Variants in GFRA2 observed in about 807,000 individuals in gnomAD.
GFRA2 encodes the protein GDNF family receptor alpha-2.
Under a neutral mutation model 48.3 loss-of-function variants are expected in GFRA2, and 17 were observed. The observed-to-expected ratio is 0.35, with a 90% CI of 0.24 to 0.53. GFRA2 has a LOEUF of 0.53. GFRA2 is among the 20% of genes least tolerant of loss of function. The probability of loss-of-function intolerance (pLI) is 0.93; values close to 1 mark genes in which losing one functional copy is unlikely to be tolerated. For missense variants in GFRA2, 660 were observed against 637.3 expected (o/e 1.04, Z -0.38); for synonymous variants, 305 against 257.2 (o/e 1.19, Z -1.78).
At chr8:21,797,405 C>T (rs1029841424) in intron 2 of GFRA2, 25 of 150,946 alleles carry the variant, frequency 1.7e-4, no homozygotes, top group African/African-American at 5.9e-4. Flanking sequence ...GATCCTCCCA[C>T]CTCAGCCTCC....
intron 3 of GFRA2, among the ~76,000 whole-genome samples, chr8:21,761,939 G>A (rs902242103): frequency 3.6e-4 from 55 of 152,004 alleles, no homozygotes; most frequent in African/African-American, 1.2e-3. Flanking sequence ...GTGACAGAGC[G>A]AGACTCTGTC....
chr8:21,739,826 G>T (rs1221059192), intron 4 of GFRA2, among the ~76,000 whole-genome samples: 1 of 152,218 alleles, frequency 6.6e-6, no homozygotes, highest in Non-Finnish European at 1.5e-5. Context: ...ATTGAAAGCC[G>T]AAAAGCAAGG....
intron 4 of GFRA2, among the ~76,000 whole-genome samples, chr8:21,715,980 T>TGATTC (rs1332999279): frequency 1.3e-5 from 2 of 152,176 alleles, no homozygotes; most frequent in East Asian, 3.9e-4. Context: ...GTAAGCCAAT[T>TGATTC]GATTCTGTTT....
chr8:21,702,222 G>A (rs189721151), intron 7 of GFRA2, among the ~76,000 whole-genome samples: 2 of 152,332 alleles, frequency 1.3e-5, no homozygotes, highest in East Asian at 3.9e-4. Flanking sequence ...CTAAGTGGAG[G>A]GAGCAGGACA....
rs1031010513 is a variant in GFRA2, at chr8:21,783,240, A to G, written c.41-341T>C. The G allele has an allele frequency of 1.1e-5, 5 of 452,652 alleles. No individual in the cohort carries two copies. In the East Asian group the frequency reaches 2.6e-4, roughly 24 times the overall value. The allele number at this position is 452,652 out of a possible 1,614,324, so 28.0% of individuals were successfully genotyped here. A position where few individuals can be genotyped will look rare whatever the true frequency, so the allele number is the denominator to read the frequency against. ...GGAGAATGTCACAGCCTCAGCAGAG[A>G]GCTGGGGGCTGCATGGCTTGCTGGG... On this transcript the variant is annotated intron_variant, in intron 1 of 8. Coordinates refer to ENST00000524240, the MANE Select transcript of GFRA2 (RefSeq NM_001495.5).
chr8:21,762,162 CA>C (rs1237918780), intron 3 of GFRA2, among the ~76,000 whole-genome samples: 1 of 152,094 alleles, frequency 6.6e-6, no homozygotes, highest in African/African-American at 2.4e-5. Context: ...TCCTCTGCTC[CA>C]TCCCAAGCAA....
At chr8:21,733,854 C>A (rs990814344) in intron 4 of GFRA2, among the ~76,000 whole-genome samples, 1 of 152,196 alleles carries the variant, frequency 6.6e-6, no homozygotes, top group Non-Finnish European at 1.5e-5. Context: ...AGAGACTCCT[C>A]CGCTGAGGTC....
At chr8:21,732,224 TC>T (rs1439535734) in intron 4 of GFRA2, among the ~76,000 whole-genome samples, 1 of 152,224 alleles carries the variant, frequency 6.6e-6, no homozygotes, top group Admixed American at 6.5e-5. Flanking sequence ...TTGTGTCCCT[TC>T]CAGGGGACAA....
intron 3 of GFRA2, among the ~76,000 whole-genome samples, chr8:21,754,182 G>T (rs894252328): frequency 6.6e-6 from 1 of 152,160 alleles, no homozygotes; most frequent in Non-Finnish European, 1.5e-5. Context: ...TCATTTGTTT[G>T]TTTGCATCAA....
chr8:21,704,925 G>A, intron 6 of GFRA2, 60 bp downstream of exon 6: 2 of 1,282,106 alleles, frequency 1.6e-6, no homozygotes, highest in Non-Finnish European at 1.1e-6. Flanking sequence ...GAATGGCTAG[G>A]ACAGACTCCA....
rs542079106 is a variant in GFRA2 at position 21,714,901 on chromosome 8, T to G, written c.795-8860A>C. ...AAAAGGGTTTCCAAGAAGTGCAAAT[T>G]ACTCATGATAGGTTTCATAGACAAT... On this transcript the variant is annotated intron_variant, in intron 4 of 8. Transcript: ENST00000524240. 8.5e-5 allele frequency among the ~76,000 whole-genome samples: 13 copies of G among 152,262 alleles called. No homozygotes were observed. The South Asian group carries it at 2.7e-3, about 32-fold the overall frequency.
At chr8:21,733,396 T>C (rs1390588392) in intron 4 of GFRA2, among the ~76,000 whole-genome samples, 1 of 152,168 alleles carries the variant, frequency 6.6e-6, no homozygotes, top group Non-Finnish European at 1.5e-5. Flanking sequence ...AATGAGCAGA[T>C]GACAACTCAC....
At chr8:21,775,599 G>A (rs1413552306) in intron 2 of GFRA2, among the ~76,000 whole-genome samples, 2 of 152,098 alleles carry the variant, frequency 1.3e-5, no homozygotes, top group Non-Finnish European at 1.5e-5. Context: ...ATCACACCAC[G>A]CCAGCTCCGC....
At chr8:21,774,439 G>T (rs375828587) in intron 3 of GFRA2, among the ~76,000 whole-genome samples, 1 of 152,114 alleles carries the variant, frequency 6.6e-6, no homozygotes, top group African/African-American at 2.4e-5. Flanking sequence ...TCAAGAGAGA[G>T]GGAAAACCCA....
At chr8:21,747,227 C>G (rs1008686437) in intron 4 of GFRA2, among the ~76,000 whole-genome samples, 2 of 152,222 alleles carry the variant, frequency 1.3e-5, no homozygotes, top group Admixed American at 1.3e-4. Context: ...GAAGAAGAAG[C>G]GAATGTGTCT....
chr8:21,779,797 G>C (rs1474243658), intron 2 of GFRA2: 1 of 151,968 alleles, frequency 6.6e-6, no homozygotes, highest in African/African-American at 2.4e-5. Context: ...GAACATATTC[G>C]AGCCATCTCT....
chr8:21,738,142 C>T (rs1404417225), intron 4 of GFRA2, among the ~76,000 whole-genome samples: 1 of 105,890 alleles, frequency 9.4e-6, no homozygotes, highest in Non-Finnish European at 1.8e-5. Flanking sequence ...ACCATCTCCC[C>T]CTCCTCATCC....
At chr8:21,783,233 A>G (rs1807101711) in intron 1 of GFRA2, 2 of 469,954 alleles carry the variant, frequency 4.3e-6, no homozygotes, top group East Asian at 5.1e-5. Context: ...TCACAGCCTC[A>G]GCAGAGAGCT....
intron 2 of GFRA2, among the ~76,000 whole-genome samples, chr8:21,797,287 C>CTTTTTTTTTTTTTTTTTT (rs1159867192): frequency 5.8e-5 from 5 of 85,638 alleles, no homozygotes; most frequent in East Asian, 4.1e-4. Flanking sequence ...CCTTTCTTTG[C>CTTTTTTTTTTTTTTTTTT]TTTTTTTTTT....
Sources: allele counts gnomAD v4.1 joint callset (sites outside exome capture counted in the v4.1 genomes callset), GRCh38; gene constraint gnomAD v4.1.1; transcripts MANE v1.5; gene names NCBI Gene and HGNC (gene_info 2026-07-23, HGNC 2026-07-21).